SEC14L5: variants seen among roughly 807,000 people sequenced by gnomAD.
SEC14L5 encodes SEC14 like lipid binding 5, also known as SEC14-like protein 5.
SEC14L5 carries 96 observed loss-of-function variants against 84.6 expected under a neutral mutation model. The observed-to-expected ratio is 1.13, with a 90% CI of 0.96 to 1.34. The LOEUF (loss-of-function observed/expected upper bound fraction) is 1.34, where lower values mean the gene tolerates loss of function less well. SEC14L5 is among the 40% of genes most tolerant of loss of function. The pLI is 0.00. For synonymous variants in SEC14L5, 546 were observed against 383.4 expected, an observed-to-expected ratio of 1.42 and a Z score of -4.95; for missense variants, 1,224 against 942.5, an observed-to-expected ratio of 1.30 and a Z score of -3.91.
chr16:5,010,840 A>G, intron 14 of SEC14L5: 1 of 494,172 alleles, frequency 2.0e-6, no homozygotes, highest in Non-Finnish European at 3.6e-6. Flanking sequence ...GTTGTCCTGA[A>G]GTTGCACCCC....
intron 14 of SEC14L5, among the ~76,000 whole-genome samples, 168 bp downstream of exon 14, chr16:5,008,816 G>T (rs1489162347): frequency 6.6e-6 from 1 of 152,218 alleles, no homozygotes; most frequent in African/African-American, 2.4e-5. Flanking sequence ...ATGTAATGAA[G>T]TGCTCACCTG....
intron 2 of SEC14L5, among the ~76,000 whole-genome samples, chr16:4,971,401 G>A (rs1955277947): frequency 6.6e-6 from 1 of 151,150 alleles, no homozygotes; most frequent in Non-Finnish European, 1.5e-5. Flanking sequence ...CGAGGCTGCA[G>A]TGAGCCGTGA....
At chr16:4,983,229 G>A (rs1281247362) in intron 2 of SEC14L5, among the ~76,000 whole-genome samples, 2 of 151,836 alleles carry the variant, frequency 1.3e-5, no homozygotes, top group East Asian at 3.9e-4. Context: ...AGCCAGGCTG[G>A]TCTCAAACTC....
At position 4,995,624 on chromosome 16, in the gene SEC14L5, C is replaced by CTCT. The variant is rs1555530164; in HGVS notation, c.668-723_668-722insCTT. Among the ~76,000 whole-genome samples, 149 of 128,544 alleles carry CTCT rather than the reference C, an allele frequency of 1.2e-3. 1 individual carries two copies. The East Asian group carries it at 0.021, about 18-fold the overall frequency. The allele number at this position is 128,544 out of a possible 152,430, so 84.3% of individuals were successfully genotyped here. A position where few individuals can be genotyped will look rare whatever the true frequency, so the allele number is the denominator to read the frequency against. ...TCAGTTTTATCTTCTCTCTCTCTCT[C>CTCT]TTTTTTTTTTTTTTTTTTTTAAGAC... On this transcript the variant is annotated intron_variant, in intron 6 of 15. Transcript: ENST00000251170.
chr16:4,997,317 C>T (rs1955623496), intron 8 of SEC14L5, among the ~76,000 whole-genome samples: 1 of 152,196 alleles, frequency 6.6e-6, no homozygotes, highest in African/African-American at 2.4e-5. Flanking sequence ...CCAGGCTGGT[C>T]CCAAATTCCT....
At chr16:5,001,359 A>T (rs1230662161) in intron 10 of SEC14L5, among the ~76,000 whole-genome samples, 2 of 151,406 alleles carry the variant, frequency 1.3e-5, no homozygotes, top group African/African-American at 4.9e-5. Context: ...TCCGGGTTCA[A>T]GCGATTCTCC....
intron 12 of SEC14L5, among the ~76,000 whole-genome samples, chr16:5,006,739 C>T (rs897604402): frequency 3.0e-4 from 46 of 152,320 alleles, no homozygotes; most frequent in Admixed American, 6.5e-4. Flanking sequence ...GCGGCACACA[C>T]GACTTATTTT....
At chr16:4,970,971 G>C (rs867215984) in intron 2 of SEC14L5, among the ~76,000 whole-genome samples, 1 of 152,146 alleles carries the variant, frequency 6.6e-6, no homozygotes, top group Non-Finnish European at 1.5e-5. Flanking sequence ...AGCTGGGCGT[G>C]ACGGTATGTG....
chr16:4,993,018 T>C (rs1310751583), intron 6 of SEC14L5, among the ~76,000 whole-genome samples: 1 of 151,480 alleles, frequency 6.6e-6, no homozygotes, highest in Non-Finnish European at 1.5e-5. Context: ...ATGGTGTGGT[T>C]GCACCATAAC....
intron 5 of SEC14L5, among the ~76,000 whole-genome samples, 194 bp downstream of exon 5, chr16:4,991,089 A>G (rs1226082958): frequency 6.6e-6 from 1 of 151,074 alleles, no homozygotes; most frequent in Non-Finnish European, 1.5e-5. Flanking sequence ...GGGCACCCTA[A>G]TCCTCGCTCT....
intron 14 of SEC14L5, 152 bp from the exon 15 acceptor site, chr16:5,010,943 G>T (rs933234559): frequency 2.9e-6 from 2 of 683,944 alleles, no homozygotes; most frequent in Non-Finnish European, 4.9e-6. Context: ...CAGAGGCCCT[G>T]ACAGGAGGAG....
chr16:4,971,396 CT>C (rs562816375), intron 2 of SEC14L5, among the ~76,000 whole-genome samples: 71 of 151,416 alleles, frequency 4.7e-4, no homozygotes, highest in African/African-American at 1.7e-3. Context: ...GAGGTCGAGG[CT>C]GCAGTGAGCC....
Position 4,959,389 on chromosome 16 carries a change from G to A in SEC14L5, c.63+3G>A. On this transcript the variant is annotated splice_donor_region_variant and intron_variant, in intron 2 of 15. Transcript: ENST00000251170. ...ACCCGTTTGAGCTGGTCATGGCGGT[G>A]AGTGACTCCTGATTCTTGGGCCCCC... The A allele has an allele frequency of 6.2e-7, 1 of 1,613,382 alleles. No homozygotes were observed. The highest frequency in any genetic ancestry group is 8.5e-7 in the Non-Finnish European group (1 of 1,179,346).
At position 5,007,451 on chromosome 16, in the gene SEC14L5, C is replaced by A. The variant is rs1192307391; in HGVS notation, c.1537C>A (p.His513Asn). The change falls in exon 13 of 16, where the codon CAT becomes AAT. Residue 513 changes from histidine to asparagine, a missense_variant. Physicochemically the swap from His to Asn is moderately conservative, Grantham distance 68 (BLOSUM62 1). Transcript: ENST00000251170. ...GCTGTGGCAGTGGAGTGAGACCTAC[C>A]ATTCAGCCAGCGTGCTCCGCGGAGC... ...DQLWQWSETY[H>N]SASVLRGAPH... is the part of the protein sequence containing the mutation. The A allele has an allele frequency of 4.8e-5, 78 of 1,613,774 alleles. No individual in the cohort carries two copies. The highest frequency in any genetic ancestry group is 6.2e-5 in the Non-Finnish European group (73 of 1,179,878).
chr16:5,001,709 T>TA (rs1955680234), intron 10 of SEC14L5, among the ~76,000 whole-genome samples: 1 of 152,156 alleles, frequency 6.6e-6, no homozygotes, highest in Non-Finnish European at 1.5e-5. Context: ...AGCCAGTACT[T>TA]ACGGTGGCAT....
At chr16:4,982,004 C>T (rs1326935775) in intron 2 of SEC14L5, among the ~76,000 whole-genome samples, 1 of 152,164 alleles carries the variant, frequency 6.6e-6, no homozygotes, top group African/African-American at 2.4e-5. Context: ...TCGCTGAGTC[C>T]AGACCCCAGG....
chr16:4,994,588 C>A (rs1385619336), intron 6 of SEC14L5, among the ~76,000 whole-genome samples: 1 of 152,152 alleles, frequency 6.6e-6, no homozygotes. Context: ...AAGTTATCCT[C>A]CTGCCTTGGT....
At chr16:4,992,797 T>G (rs1018394259) in intron 6 of SEC14L5, among the ~76,000 whole-genome samples, 1 of 152,232 alleles carries the variant, frequency 6.6e-6, no homozygotes, top group African/African-American at 2.4e-5. Context: ...TGTGTTTCTA[T>G]GTCCTGAAGC....
chr16:4,965,530 G>A (rs557516050), intron 2 of SEC14L5, among the ~76,000 whole-genome samples: 57 of 149,600 alleles, frequency 3.8e-4, no homozygotes, highest in East Asian at 2.1e-3. Context: ...GTGTGGTGGC[G>A]GGCGCCTGTA....
Sources: allele counts gnomAD v4.1 joint callset (sites outside exome capture counted in the v4.1 genomes callset), GRCh38; gene constraint gnomAD v4.1.1; transcripts MANE v1.5; gene names NCBI Gene and HGNC (gene_info 2026-07-23, HGNC 2026-07-21).